CNTN4: variants seen among roughly 807,000 people sequenced by gnomAD.
CNTN4 encodes contactin 4.
CNTN4 carries 77 observed loss-of-function variants against 122.5 expected under a neutral mutation model. That is an observed-to-expected ratio of 0.63 (90% CI 0.52 to 0.76). The LOEUF is 0.76. Among genes scored for constraint, CNTN4 ranks in the 30% least tolerant of loss-of-function variants. CNTN4 has a pLI of 0.00. For missense variants in CNTN4, 1,256 were observed against 1,259.1 expected, an observed-to-expected ratio of 1.00 and a Z score of 0.04; for synonymous variants, 512 against 447.0, an observed-to-expected ratio of 1.15 and a Z score of -1.83.
intron 7 of CNTN4, among the ~76,000 whole-genome samples, chr3:2,828,374 G>A (rs190767141): frequency 2.3e-4 from 35 of 152,194 alleles, no homozygotes; most frequent in Admixed American, 4.6e-4. Flanking sequence ...AACACTGACC[G>A]TCTTGGAAAT....
chr3:2,894,408 T>C (rs758573812), intron 10 of CNTN4, among the ~76,000 whole-genome samples: 21 of 152,348 alleles, frequency 1.4e-4, no homozygotes, highest in Admixed American at 1.2e-3. Flanking sequence ...GAATGGATGT[T>C]GGAGCCAAGC....
At chr3:2,756,483 A>G (rs1366546189) in intron 6 of CNTN4, among the ~76,000 whole-genome samples, 1 of 152,208 alleles carries the variant, frequency 6.6e-6, no homozygotes, top group African/African-American at 2.4e-5. Context: ...AACTGTGAGA[A>G]ATACATTTCT....
intron 4 of CNTN4, among the ~76,000 whole-genome samples, chr3:2,583,536 T>C (rs2080042709): frequency 6.6e-6 from 1 of 152,248 alleles, no homozygotes; most frequent in South Asian, 2.1e-4. Flanking sequence ...AAGAGTGTTT[T>C]AGTATTTGAT....
intron 4 of CNTN4, among the ~76,000 whole-genome samples, chr3:2,683,186 A>C (rs528206404): frequency 6.6e-6 from 1 of 152,284 alleles, no homozygotes; most frequent in East Asian, 1.9e-4. Context: ...ACTTGGGTAT[A>C]GTTATTTTCA....
At chr3:2,882,668 T>C (rs974450973) in intron 8 of CNTN4, 1 of 165,848 alleles carries the variant, frequency 6.0e-6, no homozygotes, top group African/African-American at 2.4e-5. Context: ...ATATTGGCCT[T>C]GGAAATGAAA....
intron 3 of CNTN4, among the ~76,000 whole-genome samples, chr3:2,510,392 ATTTG>A (rs993592775): frequency 1.4e-5 from 2 of 145,654 alleles, no homozygotes; most frequent in Non-Finnish European, 3.1e-5. Flanking sequence ...TTTGTTGTTT[ATTTG>A]TTTGTTTTTG....
At position 2,415,747 on chromosome 3, in the gene CNTN4, G is replaced by A. The variant is rs190043518; in HGVS notation, c.-89+76514G>A. On this transcript the variant is annotated intron_variant, in intron 3 of 24. Transcript: ENST00000418658. ...TTTCAGAAACTTTCTAAACAATAAA[G>A]TACTCCATTTCTGCACTATTGAGGT... 9.7e-4 allele frequency among the ~76,000 whole-genome samples: 147 copies of A among 152,034 alleles called. 1 individual carries two copies. Among genetic ancestry groups the A allele is most frequent in the African/African-American group, 3.4e-3 (143 of 41,490 alleles).
chr3:2,472,835 A>T (rs984891385), intron 3 of CNTN4, among the ~76,000 whole-genome samples: 1 of 152,178 alleles, frequency 6.6e-6, no homozygotes, highest in Non-Finnish European at 1.5e-5. Context: ...TAAAAGTATA[A>T]GATTGTCTAT....
At chr3:2,828,821 G>A (rs1223153549) in intron 7 of CNTN4, among the ~76,000 whole-genome samples, 2 of 152,108 alleles carry the variant, frequency 1.3e-5, no homozygotes, top group Non-Finnish European at 2.9e-5. Flanking sequence ...GGTCATTGCA[G>A]CCTGAAACCG....
intron 4 of CNTN4, among the ~76,000 whole-genome samples, chr3:2,631,632 T>G (rs1226564322): frequency 6.6e-6 from 1 of 151,842 alleles, no homozygotes; most frequent in Non-Finnish European, 1.5e-5. Flanking sequence ...TTTTAAAGTT[T>G]TTTTTTTTAA....
At chr3:2,601,051 G>T (rs2081021803) in intron 4 of CNTN4, among the ~76,000 whole-genome samples, 1 of 152,020 alleles carries the variant, frequency 6.6e-6, no homozygotes, top group South Asian at 2.1e-4. Context: ...TGGGGTTGTT[G>T]TATTTTTTCT....
intron 2 of CNTN4, among the ~76,000 whole-genome samples, chr3:2,253,538 A>G (rs2040457080): frequency 6.6e-6 from 1 of 152,170 alleles, no homozygotes; most frequent in Non-Finnish European, 1.5e-5. Flanking sequence ...ATTTTTCTTA[A>G]TTAAATTATT....
intron 3 of CNTN4, among the ~76,000 whole-genome samples, chr3:2,398,995 A>T (rs1036435898): frequency 6.6e-6 from 1 of 152,182 alleles, no homozygotes; most frequent in Non-Finnish European, 1.5e-5. Context: ...TTTAAAACCC[A>T]TATGGTAACT....
chr3:2,788,518 C>T (rs187539134), intron 6 of CNTN4, among the ~76,000 whole-genome samples: 55 of 152,226 alleles, frequency 3.6e-4, no homozygotes, highest in African/African-American at 1.2e-3. Flanking sequence ...AAAATACATA[C>T]GTAAGGATCT....
At chr3:2,176,167 T>C (rs1046568005) in intron 2 of CNTN4, among the ~76,000 whole-genome samples, 1 of 152,164 alleles carries the variant, frequency 6.6e-6, no homozygotes, top group East Asian at 1.9e-4. Context: ...ATGTAGCCAA[T>C]GACAGGCCTT....
rs113540701 is a variant in CNTN4 at position 2,596,908 on chromosome 3, C to G, written c.55+25350C>G. Among the ~76,000 whole-genome samples, 545 of 152,158 alleles carry G rather than the reference C, an allele frequency of 3.6e-3. 1 individual carries two copies. The highest frequency in any genetic ancestry group is 0.012 in the African/African-American group (497 of 41,514). ...ATCTTATTGTCAACCACATCTTTTT[C>G]GGTACTGTGTCCAGGACACAGTTAG... On this transcript the variant is annotated intron_variant, in intron 4 of 24. Transcript: ENST00000418658.
intron 4 of CNTN4, among the ~76,000 whole-genome samples, chr3:2,660,846 A>T (rs2083855268): frequency 6.6e-6 from 1 of 152,236 alleles, no homozygotes; most frequent in Non-Finnish European, 1.5e-5. Context: ...ACAAAGAATC[A>T]GAGGCAATTT....
chr3:2,139,445 AC>A lies in CNTN4; in HGVS notation c.-145+38808del, dbSNP rs1318327852. ...CATTGGAATTAGATTGGACACTGCT[AC>A]CTGATTCCCATCCACATTGATTTTC... On this transcript the variant is annotated intron_variant, in intron 2 of 24. Transcript: ENST00000418658. 7.9e-5 allele frequency among the ~76,000 whole-genome samples: 12 copies of A among 152,318 alleles called. No homozygotes were observed. In the East Asian group the frequency reaches 2.3e-3, roughly 29 times the overall value.
At chr3:2,719,830 G>A (rs2087730962) in intron 4 of CNTN4, among the ~76,000 whole-genome samples, 1 of 152,150 alleles carries the variant, frequency 6.6e-6, no homozygotes, top group Non-Finnish European at 1.5e-5. Flanking sequence ...AGACCTTCCA[G>A]AAGAACCAGG....
Sources: allele counts gnomAD v4.1 joint callset (sites outside exome capture counted in the v4.1 genomes callset), GRCh38; gene constraint gnomAD v4.1.1; transcripts MANE v1.5; gene names NCBI Gene and HGNC (gene_info 2026-07-23, HGNC 2026-07-21).